ABCC11: variants seen among roughly 807,000 people sequenced by gnomAD.
ABCC11 encodes ATP-binding cassette sub-family C member 11.
In ABCC11, 135 loss-of-function variants were observed where a neutral mutation model predicts 149.3. The ratio of observed to expected loss-of-function variants is 0.90; its 90% confidence interval spans 0.79 to 1.04. The LOEUF (loss-of-function observed/expected upper bound fraction) is 1.04, where lower values mean the gene tolerates loss of function less well. Ranked by LOEUF, ABCC11 falls within the 50% of genes least tolerant of loss-of-function variation. The probability of loss-of-function intolerance (pLI) is 0.00; values close to 1 mark genes in which losing one functional copy is unlikely to be tolerated. For synonymous variants in ABCC11, 665 were observed against 671.4 expected (o/e 0.99, Z 0.15); for missense variants, 1,680 against 1,722.1 (o/e 0.98, Z 0.43).
intron 1 of ABCC11, among the ~76,000 whole-genome samples, chr16:48,243,884 C>A (rs183295756): frequency 4.3e-4 from 65 of 152,098 alleles, no homozygotes; most frequent in African/African-American, 1.4e-3. Context: ...CCCAGCTACT[C>A]GGGAGGCTGA....
intron 1 of ABCC11, among the ~76,000 whole-genome samples, chr16:48,242,079 A>G (rs1002756520): frequency 2.6e-5 from 4 of 152,244 alleles, no homozygotes; most frequent in African/African-American, 9.6e-5. Context: ...TCTGCACAGC[A>G]AAATAAACCA....
chr16:48,222,864 C>A (rs1252018894), intron 5 of ABCC11, 33 bp from the exon 6 acceptor site: 10 of 1,543,298 alleles, frequency 6.5e-6, no homozygotes, highest in Non-Finnish European at 8.0e-6. Flanking sequence ...ATCATTCAGA[C>A]CACCCTGCCA....
rs1005170425 is a variant in ABCC11, at chr16:48,214,883, T to C, written c.1246A>G (p.Met416Val). 3 of 1,614,034 alleles carry C rather than the reference T, an allele frequency of 1.9e-6. No individual in the cohort carries two copies. In the African/African-American group the frequency reaches 4.0e-5, roughly 22 times the overall value. The change falls in exon 9 of 30, where the codon ATG becomes GTG. Residue 416 changes from methionine (M) to valine (V), a missense_variant and splice_region_variant. Met to Val is a conservative substitution (Grantham distance 21, BLOSUM62 1). Coordinates refer to ENST00000356608, the MANE Select transcript of ABCC11 (RefSeq NM_001370497.1). ...TSLKLKLTAS[M>V]AFSMLASLNL... ...AACAAAGCCCCCCAAACCCTTACCATTGACGCTGTGAGTTTCAGCTTTAAG... is the reference window on the plus strand; with the variant it reads ...AACAAAGCCCCCCAAACCCTTACCACTGACGCTGTGAGTTTCAGCTTTAAG...
In ABCC11 at chr16:48,197,989, A is replaced by G. The variant is rs763374814; in HGVS notation, c.2296T>C (p.Ser766Pro). Reference sequence around the variant, plus strand: ...CCATTACCAGCATTTCCGTTGAGAGACTCTTCCAGGGAGGTGGCCAGAGCC... The same window carrying G: ...CCATTACCAGCATTTCCGTTGAGAGGCTCTTCCAGGGAGGTGGCCAGAGCC... ...SQALATSLEE[S>P]LNGNAVPEHQ... The change falls in exon 17 of 30, where the codon TCT (serine) becomes CCT (proline). Residue 766 changes from serine (S) to proline (P), a missense_variant. Transcript: ENST00000356608. 6.2e-7 allele frequency: 1 copy of G among 1,613,650 alleles called. No homozygotes were observed. Among genetic ancestry groups the G allele is most frequent in the Non-Finnish European group, 8.5e-7 (1 of 1,179,916 alleles).
At chr16:48,213,305 CA>C in intron 10 of ABCC11, 137 bp downstream of exon 10, 1 of 669,784 alleles carries the variant, frequency 1.5e-6, no homozygotes, top group Non-Finnish European at 2.5e-6. Flanking sequence ...AGCCTTGGAA[CA>C]GGAGGTCACT....
In ABCC11 at chr16:48,214,986, A is replaced by G; in HGVS notation, c.1143T>C (p.Leu381=). The stretch of plus-strand genomic sequence containing the variant: ...AGGTTATACTTGTCAGGCTCTGGAC[A>G]AGCCCGCACTTCTCCAATAGTTTCC... ...KERKLLEKCG[L]VQSLTSITLF... The change falls in exon 9 of 30, where the codon CTT becomes CTC. Residue 381 remains leucine, a synonymous_variant. Transcript: ENST00000356608. 6.2e-7 allele frequency: 1 copy of G among 1,614,204 alleles called. No homozygotes were observed. Among genetic ancestry groups the G allele is most frequent in the East Asian group, 2.2e-5 (1 of 44,878 alleles).
intron 1 of ABCC11, 185 bp from the exon 2 acceptor site, chr16:48,232,124 C>T: frequency 7.6e-7 from 1 of 1,313,612 alleles, no homozygotes; most frequent in Non-Finnish European, 9.8e-7. Flanking sequence ...TAAACATCTT[C>T]TCAGGCCTCA....
chr16:48,246,719 C>T (rs554865719), intron 1 of ABCC11, among the ~76,000 whole-genome samples: 2 of 152,130 alleles, frequency 1.3e-5, no homozygotes, highest in South Asian at 2.1e-4. Context: ...GGACTATAGG[C>T]GTGCACCACT....
intron 23 of ABCC11, among the ~76,000 whole-genome samples, chr16:48,181,788 T>A (rs1181985017): frequency 2.6e-5 from 4 of 152,092 alleles, no homozygotes; most frequent in Non-Finnish European, 4.4e-5. Flanking sequence ...TTTTTTTGTA[T>A]TTTTTTAGTA....
In ABCC11 at chr16:48,218,580, T is replaced by A. The variant is rs1408517566; in HGVS notation, c.778-2293A>T. On this transcript the variant is annotated intron_variant, in intron 6 of 29. Coordinates refer to ENST00000356608, the MANE Select transcript of ABCC11 (RefSeq NM_001370497.1). Reference sequence around the variant, plus strand: ...TCAGCATCACTGAATAAAATAATGATATGGTTTGGCTGGGTTCCCACCCAA... The same window carrying A: ...TCAGCATCACTGAATAAAATAATGAAATGGTTTGGCTGGGTTCCCACCCAA... Among the ~76,000 whole-genome samples the A allele has an allele frequency of 2.0e-5, 3 of 152,238 alleles. 1 individual carries two copies. Among genetic ancestry groups the A allele is most frequent in the Admixed American group, 2.0e-4 (3 of 15,288 alleles).
intron 14 of ABCC11, 40 bp from the exon 15 acceptor site, chr16:48,200,519 A>G: frequency 1.3e-6 from 2 of 1,599,746 alleles, no homozygotes; most frequent in Non-Finnish European, 1.7e-6. Context: ...CCAGACAGCA[A>G]GCACAGCCAG....
chr16:48,180,364 A>G (rs1289133194), intron 23 of ABCC11, among the ~76,000 whole-genome samples: 1 of 152,198 alleles, frequency 6.6e-6, no homozygotes, highest in African/African-American at 2.4e-5. Flanking sequence ...GTGACCATGA[A>G]TACAGACAGA....
intron 6 of ABCC11, among the ~76,000 whole-genome samples, chr16:48,217,239 A>C (rs1257160916): frequency 6.6e-6 from 1 of 152,126 alleles, no homozygotes; most frequent in Non-Finnish European, 1.5e-5. Flanking sequence ...AATAATATTA[A>C]TTAAATTTTC....
At chr16:48,189,797 T>C (rs1236630087) in intron 20 of ABCC11, among the ~76,000 whole-genome samples, 1 of 152,188 alleles carries the variant, frequency 6.6e-6, no homozygotes, top group Non-Finnish European at 1.5e-5. Flanking sequence ...AAGCTTTATC[T>C]GAGAGGTGGG....
intron 20 of ABCC11, among the ~76,000 whole-genome samples, chr16:48,192,142 C>A (rs910164191): frequency 2.0e-5 from 3 of 151,282 alleles, no homozygotes; most frequent in Admixed American, 6.6e-5. Context: ...TAATTAAGGT[C>A]TACTAATAAA....
chr16:48,197,523 C>T (rs113359961), intron 17 of ABCC11, among the ~76,000 whole-genome samples: 115 of 152,284 alleles, frequency 7.6e-4, no homozygotes, highest in Non-Finnish European at 1.4e-3. Flanking sequence ...AAATGGAAGT[C>T]GCTCCCTTCT....
At chr16:48,169,075 T>TAC (rs1248581231) in intron 28 of ABCC11, among the ~76,000 whole-genome samples, 1 of 152,200 alleles carries the variant, frequency 6.6e-6, no homozygotes, top group Non-Finnish European at 1.5e-5. Context: ...TATATATATA[T>TAC]GCAATTTTGC....
intron 1 of ABCC11, among the ~76,000 whole-genome samples, chr16:48,241,082 GCACCACCACA>G (rs1567297875): frequency 6.6e-6 from 1 of 151,950 alleles, no homozygotes; most frequent in Non-Finnish European, 1.5e-5. Flanking sequence ...TTACAGGCAC[GCACCACCACA>G]CCTGGCTAAT....
chr16:48,246,250 T>C lies in ABCC11; in HGVS notation c.-19+1064A>G, dbSNP rs551092436. Among the ~76,000 whole-genome samples, 6 of 152,322 alleles carry C rather than the reference T, an allele frequency of 3.9e-5. No homozygotes were observed. The South Asian group carries it at 1.0e-3, about 26-fold the overall frequency. The stretch of plus-strand genomic sequence containing the variant: ...ATTTTGGCTCCCATCTGACCTGCTT[T>C]GGTTATTGCCTGAGTGGAATTGGTC... On this transcript the variant is annotated intron_variant, in intron 1 of 29. Transcript: ENST00000356608.
Sources: gnomAD v4.1 joint callset for allele counts (sites outside exome capture counted in the v4.1 genomes callset) on GRCh38, gnomAD v4.1.1 for gene constraint, MANE v1.5 for transcripts, NCBI Gene and HGNC (gene_info 2026-07-23, HGNC 2026-07-21) for gene names.